SMAP1: variants seen among roughly 807,000 people sequenced by gnomAD.
SMAP1 encodes small ArfGAP 1.
In SMAP1, 24 loss-of-function variants were observed where a neutral mutation model predicts 58.5. That is an observed-to-expected ratio of 0.41 (90% CI 0.30 to 0.58). The LOEUF is 0.58. SMAP1 is among the 20% of genes least tolerant of loss of function. The pLI is 0.29. For missense variants in SMAP1, 563 were observed against 566.3 expected, an observed-to-expected ratio of 0.99 and a Z score of 0.06; for synonymous variants, 216 against 196.6, an observed-to-expected ratio of 1.10 and a Z score of -0.82.
chr6:70,859,515 A>T, intron 10 of SMAP1: 1 of 753,868 alleles, frequency 1.3e-6, no homozygotes, highest in Non-Finnish European at 2.1e-6. Flanking sequence ...AGTCAAATGT[A>T]TTAAATTAAG....
intron 1 of SMAP1, among the ~76,000 whole-genome samples, chr6:70,680,859 C>T (rs560144279): frequency 6.6e-6 from 1 of 151,626 alleles, no homozygotes; most frequent in African/African-American, 2.4e-5. Context: ...GCTGGGATTA[C>T]AGGCACGTGC....
rs141576869 is a variant in SMAP1, at chr6:70,748,879, C to CATAT, written c.253-6089_253-6086dup. Among the ~76,000 whole-genome samples the CATAT allele has an allele frequency of 1.0e-3, 151 of 149,872 alleles. 1 individual carries two copies. The highest frequency in any genetic ancestry group is 3.1e-3 in the African/African-American group (126 of 41,050). ...TATATTTTTCCTCACATATTTTATG[C>CATAT]ATATATATATATATACACAGACTTA... is the stretch of plus-strand genomic sequence containing the variant. On this transcript the variant is annotated intron_variant, in intron 2 of 10. Transcript: ENST00000370455.
At chr6:70,819,000 C>T (rs1420884468) in intron 6 of SMAP1, among the ~76,000 whole-genome samples, 1 of 152,118 alleles carries the variant, frequency 6.6e-6, no homozygotes, top group Non-Finnish European at 1.5e-5. Context: ...CCAAAAGAAA[C>T]CCTACAGCTA....
intron 1 of SMAP1, chr6:70,668,406 G>C: frequency 9.7e-7 from 1 of 1,035,520 alleles, no homozygotes; most frequent in Non-Finnish European, 1.3e-6. Context: ...GCAGGTGCCA[G>C]GGTAGCGATG....
intron 1 of SMAP1, among the ~76,000 whole-genome samples, chr6:70,731,176 A>G (rs1378123887): frequency 6.6e-6 from 1 of 152,258 alleles, no homozygotes; most frequent in Non-Finnish European, 1.5e-5. Flanking sequence ...TCTGTTAGTA[A>G]TATGATTCTG....
At chr6:70,716,167 G>T (rs887838886) in intron 1 of SMAP1, among the ~76,000 whole-genome samples, 1 of 152,164 alleles carries the variant, frequency 6.6e-6, no homozygotes, top group African/African-American at 2.4e-5. Flanking sequence ...ATTGGGAATT[G>T]TGCTGCTGTA....
intron 1 of SMAP1, among the ~76,000 whole-genome samples, chr6:70,690,376 G>C (rs374347102): frequency 5.9e-5 from 9 of 151,620 alleles, no homozygotes; most frequent in African/African-American, 1.9e-4. Context: ...GTGCGATCTC[G>C]GCTCACTGCA....
Position 70,858,027 on chromosome 6 carries a change from T to C in SMAP1, c.1067T>C (p.Ile356Thr), listed in dbSNP as rs370603811. 4 of 1,614,086 alleles carry C rather than the reference T, an allele frequency of 2.5e-6. No homozygotes were observed. Among genetic ancestry groups the C allele is most frequent in the African/African-American group, 1.3e-5 (1 of 75,016 alleles). Residue 356 changes from isoleucine (I) to threonine (T), a missense_variant, in exon 10 of 11, where the codon ATA becomes ACA. Physicochemically the swap from Ile to Thr is moderately conservative, Grantham distance 89. Transcript: ENST00000370455. ...CCTGTGCCTGCAGCTCCTGGCCTTA[T>C]AGGAAATGTGATGGGACAGAGTCCA... ...GVPVPAAPGL[I>T]GNVMGQSPSM...
At chr6:70,742,435 A>G (rs1765854332) in intron 2 of SMAP1, among the ~76,000 whole-genome samples, 2 of 152,174 alleles carry the variant, frequency 1.3e-5, no homozygotes, top group African/African-American at 4.8e-5. Flanking sequence ...AGCAAGAGTC[A>G]CCTTTACTCC....
intron 3 of SMAP1, among the ~76,000 whole-genome samples, chr6:70,763,106 C>CTTTTTTTTTTTTTTTTTTT (rs35936929): frequency 1.2e-5 from 1 of 84,460 alleles, no homozygotes; most frequent in Non-Finnish European, 2.2e-5. Context: ...ACAGATATTA[C>CTTTTTTTTTTTTTTTTTTT]TTTTTTTTTT....
chr6:70,689,191 T>G (rs1391566212), intron 1 of SMAP1, among the ~76,000 whole-genome samples: 2 of 152,082 alleles, frequency 1.3e-5, no homozygotes, highest in South Asian at 4.1e-4. Context: ...GTAGTTTTAG[T>G]AGAGATGGGG....
At chr6:70,798,810 C>G (rs1768722317) in intron 6 of SMAP1, 73 bp downstream of exon 6, 1 of 1,158,072 alleles carries the variant, frequency 8.6e-7, no homozygotes, top group South Asian at 1.7e-5. Flanking sequence ...TAATGACTTT[C>G]TGGATATTTA....
chr6:70,852,572 A>G lies in SMAP1; in HGVS notation c.697A>G (p.Asn233Asp), dbSNP rs1344681916. The G allele has an allele frequency of 3.7e-6, 6 of 1,607,562 alleles. No homozygotes were observed. The highest frequency in any genetic ancestry group is 5.1e-6 in the Non-Finnish European group (6 of 1,176,898). The change falls in exon 8 of 11, where the codon AAC (asparagine) becomes GAC (aspartate). Residue 233 changes from asparagine (N) to aspartate (D), a missense_variant. Coordinates refer to ENST00000370455, the MANE Select transcript of SMAP1 (RefSeq NM_001044305.3). Reference sequence around the variant, plus strand: ...TGCTGTGGCACCAGTGACCAACGGGAACACAACGGTGCCACCCCTGAACGA... The same window carrying G: ...TGCTGTGGCACCAGTGACCAACGGGGACACAACGGTGCCACCCCTGAACGA... The part of the protein sequence containing the change: ...GPAVAPVTNG[N>D]TTVPPLNDDL...
At chr6:70,849,612 AATT>A (rs1180869301) in intron 7 of SMAP1, among the ~76,000 whole-genome samples, 2 of 152,306 alleles carry the variant, frequency 1.3e-5, no homozygotes, top group East Asian at 1.9e-4. Context: ...TGAATAAATA[AATT>A]ATTATAGGCA....
At chr6:70,759,991 G>T in intron 3 of SMAP1, 2 of 297,418 alleles carry the variant, frequency 6.7e-6, no homozygotes, top group South Asian at 3.1e-5. Flanking sequence ...GGGGAGTGGG[G>T]TGGGAAGGAT....
chr6:70,695,573 T>C (rs529159814), intron 1 of SMAP1, among the ~76,000 whole-genome samples: 2 of 152,358 alleles, frequency 1.3e-5, no homozygotes, highest in East Asian at 3.9e-4. Context: ...AATGTTGATA[T>C]GATGTATCAC....
At chr6:70,812,045 G>A (rs566584397) in intron 6 of SMAP1, among the ~76,000 whole-genome samples, 2 of 152,286 alleles carry the variant, frequency 1.3e-5, no homozygotes, top group South Asian at 4.1e-4. Context: ...TCAGAACCGT[G>A]TGTAATTTAA....
intron 6 of SMAP1, among the ~76,000 whole-genome samples, chr6:70,836,598 T>G (rs916813478): frequency 3.3e-5 from 5 of 152,128 alleles, no homozygotes; most frequent in Non-Finnish European, 7.3e-5. Flanking sequence ...ACAGCCAAAC[T>G]CTATCACAGA....
At chr6:70,850,563 A>G (rs527768163) in intron 7 of SMAP1, among the ~76,000 whole-genome samples, 8 of 151,170 alleles carry the variant, frequency 5.3e-5, no homozygotes, top group African/African-American at 1.7e-4. Flanking sequence ...TATACATTTT[A>G]TATATATAAT....
Sources: gnomAD v4.1 joint callset for allele counts (sites outside exome capture counted in the v4.1 genomes callset) on GRCh38, gnomAD v4.1.1 for gene constraint, MANE v1.5 for transcripts, NCBI Gene and HGNC (gene_info 2026-07-23, HGNC 2026-07-21) for gene names.